DOK6: variants seen among roughly 807,000 people sequenced by gnomAD.
DOK6 encodes docking protein 6, also known as downstream of tyrosine kinase 6.
Under a neutral mutation model 44.0 loss-of-function variants are expected in DOK6, and 22 were observed. The observed-to-expected ratio is 0.50, with a 90% CI of 0.36 to 0.71. The LOEUF is 0.71. DOK6 is among the 30% of genes least tolerant of loss of function. The probability of loss-of-function intolerance (pLI) is 0.00; values close to 1 mark genes in which losing one functional copy is unlikely to be tolerated. For synonymous variants in DOK6, 166 were observed against 145.5 expected, an observed-to-expected ratio of 1.14 and a Z score of -1.01; for missense variants, 340 against 416.4, an observed-to-expected ratio of 0.82 and a Z score of 1.60.
chr18:69,578,847 A>G (rs1983297389), intron 2 of DOK6, among the ~76,000 whole-genome samples: 1 of 150,936 alleles, frequency 6.6e-6, no homozygotes, highest in African/African-American at 2.4e-5. Context: ...TCAGTGAGAA[A>G]TTATTCTTGA....
chr18:69,510,850 C>T (rs1981347343), intron 1 of DOK6, among the ~76,000 whole-genome samples: 1 of 152,068 alleles, frequency 6.6e-6, no homozygotes, highest in South Asian at 2.1e-4. Flanking sequence ...TCCTCATCAT[C>T]TTTGTCTTCA....
intron 7 of DOK6, among the ~76,000 whole-genome samples, chr18:69,786,579 T>C (rs1230248953): frequency 6.6e-6 from 1 of 152,216 alleles, no homozygotes; most frequent in Admixed American, 6.5e-5. Flanking sequence ...TCTTGCACAA[T>C]GAAGTGTTAT....
intron 7 of DOK6, among the ~76,000 whole-genome samples, chr18:69,818,975 T>G (rs1218667708): frequency 6.6e-6 from 1 of 152,198 alleles, no homozygotes; most frequent in African/African-American, 2.4e-5. Context: ...GGAAGAAATT[T>G]TTTAAAATAC....
chr18:69,828,882 G>GTATATATATA lies in DOK6; in HGVS notation c.857-12361_857-12360insATATATATAT, dbSNP rs1475499795. ...CCATTATTAATAGCAATACATTTAT[G>GTATATATATA]TGTATATATATATATATAGTATGTA... On this transcript the variant is annotated intron_variant, in intron 7 of 7. Transcript: ENST00000382713. 6.0e-4 allele frequency among the ~76,000 whole-genome samples: 15 copies of GTATATATATA among 25,112 alleles called. 1 individual carries two copies. Among genetic ancestry groups the GTATATATATA allele is most frequent in the Non-Finnish European group, 1.1e-3 (7 of 6,156 alleles). The allele number at this position is 25,112 out of a possible 152,430, so 16.5% of individuals were successfully genotyped here.
At chr18:69,810,993 C>A (rs373771626) in intron 7 of DOK6, among the ~76,000 whole-genome samples, 58 of 152,036 alleles carry the variant, frequency 3.8e-4, no homozygotes, top group African/African-American at 1.3e-3. Context: ...AAGATATATC[C>A]ATACTGTCAT....
intron 1 of DOK6, among the ~76,000 whole-genome samples, chr18:69,477,413 G>A (rs1211464030): frequency 6.6e-6 from 1 of 152,150 alleles, no homozygotes; most frequent in Non-Finnish European, 1.5e-5. Flanking sequence ...ATCAAATAAA[G>A]CTATGTCTCT....
intron 3 of DOK6, among the ~76,000 whole-genome samples, chr18:69,608,912 T>C (rs1433240197): frequency 6.7e-6 from 1 of 149,848 alleles, no homozygotes; most frequent in Non-Finnish European, 1.5e-5. Flanking sequence ...ATGGCGCCAC[T>C]GCCTTCTATC....
At chr18:69,689,180 G>C (rs2144694775) in intron 4 of DOK6, among the ~76,000 whole-genome samples, 1 of 152,258 alleles carries the variant, frequency 6.6e-6, no homozygotes, top group East Asian at 1.9e-4. Flanking sequence ...TCAGATCAGT[G>C]GTGGTTCTGA....
rs568943533 is a variant in DOK6, at chr18:69,718,991, A to G, written c.600-19974A>G. On this transcript the variant is annotated intron_variant, in intron 5 of 7. Coordinates refer to ENST00000382713, the MANE Select transcript of DOK6 (RefSeq NM_152721.6). The stretch of plus-strand genomic sequence containing the variant: ...ATATATTCTAGATCTCAATAAGTCT[A>G]TGATCTTAGAAGAAGAATAGAGCTG... Among the ~76,000 whole-genome samples, 4 of 152,334 alleles carry G rather than the reference A, an allele frequency of 2.6e-5. No homozygotes were observed. The South Asian group carries it at 8.3e-4, about 32-fold the overall frequency.
chr18:69,419,152 A>G (rs1323821269), intron 1 of DOK6, among the ~76,000 whole-genome samples: 1 of 152,180 alleles, frequency 6.6e-6, no homozygotes, highest in Non-Finnish European at 1.5e-5. Context: ...CTCTAGAGCC[A>G]TCTTGACTAA....
intron 1 of DOK6, among the ~76,000 whole-genome samples, chr18:69,481,372 C>G (rs1292532895): frequency 3.3e-5 from 5 of 149,876 alleles, no homozygotes; most frequent in Non-Finnish European, 7.4e-5. Context: ...ATCCCTACCC[C>G]CTACCCCCAC....
intron 1 of DOK6, among the ~76,000 whole-genome samples, chr18:69,537,763 A>ACCTGG (rs1212429104): frequency 6.6e-6 from 1 of 152,194 alleles, no homozygotes; most frequent in African/African-American, 2.4e-5. Flanking sequence ...ATCAATAGGT[A>ACCTGG]CCTGGCCAAA....
intron 1 of DOK6, among the ~76,000 whole-genome samples, chr18:69,492,781 GTATATGT>G: frequency 9.9e-6 from 1 of 101,520 alleles, no homozygotes; most frequent in Non-Finnish European, 2.5e-5. Flanking sequence ...ATTCCATGGT[GTATATGT>G]ACCAAATTTT....
Position 69,632,496 on chromosome 18 carries a change from C to T in DOK6, c.289+32998C>T, listed in dbSNP as rs963880873. Among the ~76,000 whole-genome samples, 13 of 152,064 alleles carry T rather than the reference C, an allele frequency of 8.5e-5. No homozygotes were observed. The South Asian group carries it at 1.0e-3, about 12-fold the overall frequency. On this transcript the variant is annotated intron_variant, in intron 3 of 7. Coordinates refer to ENST00000382713, the MANE Select transcript of DOK6 (RefSeq NM_152721.6). ...GATTCTGTTATCTTGAAGATAACAT[C>T]GGTGTATCAGAATACTGTATATAGG...
chr18:69,835,420 G>A (rs982971975), intron 7 of DOK6, among the ~76,000 whole-genome samples: 1 of 151,394 alleles, frequency 6.6e-6, no homozygotes, highest in African/African-American at 2.4e-5. Flanking sequence ...AGCCAAAATC[G>A]CACCACTGCA....
intron 1 of DOK6, among the ~76,000 whole-genome samples, chr18:69,477,292 A>G (rs1366662194): frequency 1.3e-5 from 2 of 152,236 alleles, no homozygotes; most frequent in Middle Eastern, 3.2e-3. Context: ...AGTTCCACAG[A>G]TGCTGAGACA....
intron 1 of DOK6, among the ~76,000 whole-genome samples, chr18:69,547,056 C>G (rs1363054032): frequency 6.6e-6 from 1 of 151,364 alleles, no homozygotes; most frequent in African/African-American, 2.4e-5. Flanking sequence ...AAAGCAGGAA[C>G]AAGAGAGATA....
intron 4 of DOK6, among the ~76,000 whole-genome samples, chr18:69,691,283 G>A (rs1017666941): frequency 4.6e-5 from 7 of 152,016 alleles, no homozygotes. Context: ...ACAGAGCTGT[G>A]GATAGTGGGT....
chr18:69,443,739 ACT>A (rs1412141462), intron 1 of DOK6, among the ~76,000 whole-genome samples: 2 of 152,008 alleles, frequency 1.3e-5, no homozygotes, highest in African/African-American at 4.8e-5. Context: ...CATGCCCTTG[ACT>A]CTGTCTTGTT....
Sources: gnomAD v4.1 joint callset for allele counts (sites outside exome capture counted in the v4.1 genomes callset) on GRCh38, gnomAD v4.1.1 for gene constraint, MANE v1.5 for transcripts, NCBI Gene and HGNC (gene_info 2026-07-23, HGNC 2026-07-21) for gene names.